Variants in SBF2 observed in about 807,000 individuals in gnomAD.
The protein encoded by SBF2 is SET binding factor 2.
In SBF2, 112 loss-of-function variants were observed where a neutral mutation model predicts 225.2. The observed-to-expected ratio is 0.50, with a 90% confidence interval of 0.43 to 0.58. The LOEUF (loss-of-function observed/expected upper bound fraction) is 0.58, where lower values mean the gene tolerates loss of function less well. Ranked by LOEUF, SBF2 falls within the 20% of genes least tolerant of loss-of-function variation. SBF2 has a pLI of 0.00. For synonymous variants in SBF2, 763 were observed against 773.3 expected (o/e 0.99, Z 0.22); for missense variants, 1,996 against 2,206.2 (o/e 0.90, Z 1.91).
intron 1 of SBF2, among the ~76,000 whole-genome samples, chr11:10,211,222 G>A (rs1957936322): frequency 6.6e-6 from 1 of 152,102 alleles, no homozygotes; most frequent in Non-Finnish European, 1.5e-5. Flanking sequence ...AGAAGATACA[G>A]TTAGCTCTAA....
chr11:9,821,372 CCAAA>C (rs1458220198), intron 28 of SBF2, among the ~76,000 whole-genome samples: 1 of 152,080 alleles, frequency 6.6e-6, no homozygotes, highest in Non-Finnish European at 1.5e-5. Context: ...AAGGACTCCC[CCAAA>C]CAGAGGCTCA....
At chr11:9,942,901 G>GAGAGAGAAAGAAAGAAAGAA (rs1209099295) in intron 16 of SBF2, among the ~76,000 whole-genome samples, 2 of 101,312 alleles carry the variant, frequency 2.0e-5, no homozygotes, top group African/African-American at 3.4e-5. Flanking sequence ...AAGAGAGAGA[G>GAGAGAGAAAGAAAGAAAGAA]AGAAAGAAAG....
At chr11:9,823,684 C>A (rs945722802) in intron 28 of SBF2, among the ~76,000 whole-genome samples, 1 of 152,152 alleles carries the variant, frequency 6.6e-6, no homozygotes, top group African/African-American at 2.4e-5. Flanking sequence ...GTGTGTCTGC[C>A]TGGTATGTTC....
At chr11:10,274,721 A>T (rs924544351) in intron 1 of SBF2, among the ~76,000 whole-genome samples, 1 of 149,538 alleles carries the variant, frequency 6.7e-6, no homozygotes, top group African/African-American at 2.5e-5. Context: ...ACTGCACTCC[A>T]GCCTGGGTGA....
At chr11:9,791,131 T>C (rs1852714015) in intron 33 of SBF2, 1 of 174,984 alleles carries the variant, frequency 5.7e-6, no homozygotes, top group African/African-American at 2.4e-5. Flanking sequence ...AGAGTTTTCT[T>C]GTTTAGCAGT....
intron 29 of SBF2, 176 bp from the exon 30 acceptor site, chr11:9,812,884 C>G (rs1330392311): frequency 6.0e-6 from 4 of 661,790 alleles, no homozygotes; most frequent in African/African-American, 3.6e-5. Flanking sequence ...GTGGGAACAG[C>G]CATTCAGTAC....
chr11:10,169,308 C>A (rs1956096562), intron 2 of SBF2, among the ~76,000 whole-genome samples: 1 of 152,108 alleles, frequency 6.6e-6, no homozygotes, highest in South Asian at 2.1e-4. Flanking sequence ...GCCCATTAAT[C>A]TTCTCCATTA....
At chr11:9,785,747 C>T (rs1852330697) in intron 36 of SBF2, among the ~76,000 whole-genome samples, 1 of 151,842 alleles carries the variant, frequency 6.6e-6, no homozygotes, top group Non-Finnish European at 1.5e-5. Flanking sequence ...TGCCTGTAGT[C>T]CCAGCTACTT....
At chr11:9,842,871 A>G (rs1356535561) in intron 24 of SBF2, 101 bp from the exon 25 acceptor site, 1 of 1,162,704 alleles carries the variant, frequency 8.6e-7, no homozygotes. Context: ...CCTTTCCCAC[A>G]GCCACTACTG....
chr11:9,888,079 TAGA>T (rs768352928), intron 17 of SBF2, among the ~76,000 whole-genome samples: 2 of 152,288 alleles, frequency 1.3e-5, no homozygotes, highest in East Asian at 3.9e-4. Context: ...CTCGTATCTA[TAGA>T]AGGACAATCA....
chr11:9,936,473 A>G (rs1385625487), intron 16 of SBF2, among the ~76,000 whole-genome samples: 1 of 152,234 alleles, frequency 6.6e-6, no homozygotes, highest in Non-Finnish European at 1.5e-5. Flanking sequence ...AAAGGATTAT[A>G]AATCATGCTA....
intron 1 of SBF2, among the ~76,000 whole-genome samples, chr11:10,196,029 G>C (rs749748454): frequency 6.6e-6 from 1 of 152,012 alleles, no homozygotes; most frequent in Non-Finnish European, 1.5e-5. Flanking sequence ...TAATCAATTC[G>C]GGGAAACAAA....
intron 28 of SBF2, among the ~76,000 whole-genome samples, chr11:9,818,952 C>CCT: frequency 6.6e-6 from 1 of 151,896 alleles, no homozygotes; most frequent in East Asian, 1.9e-4. Context: ...GAACTCCCGA[C>CCT]CTCAGGTGAT....
chr11:10,043,162 T>C (rs1949720469), intron 2 of SBF2, among the ~76,000 whole-genome samples, 181 bp from the exon 3 acceptor site: 1 of 152,170 alleles, frequency 6.6e-6, no homozygotes. Context: ...CTTTCACCAA[T>C]GTGCATATAT....
chr11:9,985,317 G>GTT (rs200661662), intron 13 of SBF2, among the ~76,000 whole-genome samples: 2 of 151,010 alleles, frequency 1.3e-5, no homozygotes, highest in African/African-American at 4.9e-5. Context: ...CTTTTTAGTT[G>GTT]TTTTTTTTTG....
At chr11:10,187,594 C>G (rs1300260202) in intron 2 of SBF2, among the ~76,000 whole-genome samples, 3 of 151,738 alleles carry the variant, frequency 2.0e-5, no homozygotes, top group Non-Finnish European at 4.4e-5. Flanking sequence ...TTGGAATAAA[C>G]TCACTTTTTT....
Position 10,269,377 on chromosome 11 carries a change from G to A in SBF2, c.55+24638C>T, listed in dbSNP as rs1015075073. On this transcript the variant is annotated intron_variant, in intron 1 of 39. Coordinates refer to ENST00000256190, the MANE Select transcript of SBF2 (RefSeq NM_030962.4). Reference sequence around the variant, plus strand: ...AAAAGAAAACACCCAAGCTCTAACCGGTCCAGCTTAAAGTAGAGGGTAGGG... The same window carrying A: ...AAAAGAAAACACCCAAGCTCTAACCAGTCCAGCTTAAAGTAGAGGGTAGGG... 1.5e-4 allele frequency among the ~76,000 whole-genome samples: 23 copies of A among 152,250 alleles called. No homozygotes were observed. In the East Asian group the frequency reaches 2.9e-3, roughly 19 times the overall value.
chr11:10,268,806 A>G (rs533738157), intron 1 of SBF2, among the ~76,000 whole-genome samples: 5 of 152,348 alleles, frequency 3.3e-5, no homozygotes, highest in African/African-American at 1.2e-4. Context: ...TGTAAACGGA[A>G]AGACCTTGAA....
At chr11:10,221,985 A>T (rs944676360) in intron 1 of SBF2, among the ~76,000 whole-genome samples, 1 of 152,246 alleles carries the variant, frequency 6.6e-6, no homozygotes, top group African/African-American at 2.4e-5. Flanking sequence ...AGAAAGGTAG[A>T]GACACAAAAT....
Sources: gnomAD v4.1 joint callset for allele counts (sites outside exome capture counted in the v4.1 genomes callset) on GRCh38, gnomAD v4.1.1 for gene constraint, MANE v1.5 for transcripts, NCBI Gene and HGNC (gene_info 2026-07-23, HGNC 2026-07-21) for gene names.